The following ZNF609 variants were observed in gnomAD, a reference collection of about 807,000 sequenced individuals.
ZNF609 encodes the protein zinc finger protein 609.
ZNF609 carries 11 observed loss-of-function variants against 109.5 expected under a neutral mutation model. The ratio of observed to expected loss-of-function variants is 0.10; its 90% CI spans 0.06 to 0.17. The LOEUF is 0.17. ZNF609 is among the 10% of genes least tolerant of loss of function. The pLI is 1.00. For missense variants in ZNF609, 1,559 were observed against 1,772.4 expected, an observed-to-expected ratio of 0.88 and a Z score of 2.16; for synonymous variants, 646 against 662.0, an observed-to-expected ratio of 0.98 and a Z score of 0.37.
intron 2 of ZNF609, among the ~76,000 whole-genome samples, chr15:64,581,010 C>A (rs1895095639): frequency 1.7e-5 from 1 of 58,300 alleles, no homozygotes; most frequent in Admixed American, 2.4e-4. Context: ...GTTGCCCAGA[C>A]AATTTTATTT....
intron 3 of ZNF609, among the ~76,000 whole-genome samples, chr15:64,641,440 C>A (rs188308402): frequency 6.6e-6 from 1 of 151,876 alleles, no homozygotes; most frequent in African/African-American, 2.4e-5. Context: ...TCTTGAACTC[C>A]TGACCTCAGG....
chr15:64,534,473 C>A (rs1389576660), intron 2 of ZNF609, among the ~76,000 whole-genome samples: 1 of 152,044 alleles, frequency 6.6e-6, no homozygotes, highest in African/African-American at 2.4e-5. Context: ...CGCCACCATG[C>A]CTGGCTACTT....
At position 64,522,540 on chromosome 15, in the gene ZNF609, TATCTC is replaced by T. The variant is rs1170143187; in HGVS notation, c.747+22376_747+22380del. Among the ~76,000 whole-genome samples, 9 of 152,376 alleles carry T rather than the reference TATCTC, an allele frequency of 5.9e-5. No homozygotes were observed. In the South Asian group the frequency reaches 1.9e-3, roughly 32 times the overall value. On this transcript the variant is annotated intron_variant, in intron 2 of 9. Transcript: ENST00000326648. Reference sequence around the variant, plus strand: ...CTTCTTTGTTTAGCTTTTTATAACTTATCTCAAACCAATTTTTTATCTTCATTTGT... The same window carrying T: ...CTTCTTTGTTTAGCTTTTTATAACTTAAACCAATTTTTTATCTTCATTTGT...
chr15:64,609,116 C>CTTTCTTTCT (rs1895668916), intron 2 of ZNF609, among the ~76,000 whole-genome samples: 4 of 30,136 alleles, frequency 1.3e-4, no homozygotes, highest in South Asian at 5.3e-4. Context: ...TTCTTTCTTT[C>CTTTCTTTCT]TTTCTTTCTT....
chr15:64,606,222 T>TC (rs1895596944), intron 2 of ZNF609, among the ~76,000 whole-genome samples: 1 of 150,604 alleles, frequency 6.6e-6, no homozygotes, highest in Non-Finnish European at 1.5e-5. Context: ...CAAGCAGTCC[T>TC]CCTGCCTCAG....
At chr15:64,588,325 G>A (rs570400497) in intron 2 of ZNF609, among the ~76,000 whole-genome samples, 1 of 147,772 alleles carries the variant, frequency 6.8e-6, no homozygotes, top group Non-Finnish European at 1.5e-5. Flanking sequence ...GCTACTTGGA[G>A]GCTGAGGCAG....
At chr15:64,642,376 G>T (rs1896274055) in intron 3 of ZNF609, among the ~76,000 whole-genome samples, 1 of 151,852 alleles carries the variant, frequency 6.6e-6, no homozygotes, top group Admixed American at 6.6e-5. Flanking sequence ...GTAGAGACTA[G>T]GTCTCGCTGT....
intron 2 of ZNF609, among the ~76,000 whole-genome samples, chr15:64,528,020 A>G (rs921390188): frequency 3.3e-5 from 5 of 152,098 alleles, no homozygotes; most frequent in African/African-American, 9.7e-5. Flanking sequence ...AACACCTATT[A>G]ATTTTATAGA....
Position 64,675,854 on chromosome 15 carries a change from T to G in ZNF609, c.3000T>G (p.Ala1000=). Residue 1000 remains alanine (A), a synonymous_variant, in exon 5 of 10, where the codon GCT becomes GCG. Transcript: ENST00000326648. The stretch of plus-strand genomic sequence containing the variant: ...CCCACCTTCTGAGCACTAACACGGC[T>G]TACCGGCAGCAGTACGAAGAACAGC... ...YHTHLLSTNT[A]YRQQYEEQQK... 6.2e-7 allele frequency: 1 copy of G among 1,614,160 alleles called. No individual in the cohort carries two copies. Among genetic ancestry groups the G allele is most frequent in the Non-Finnish European group, 8.5e-7 (1 of 1,180,040 alleles).
chr15:64,547,565 C>T (rs1894386491), intron 2 of ZNF609, among the ~76,000 whole-genome samples: 1 of 152,114 alleles, frequency 6.6e-6, no homozygotes, highest in African/African-American at 2.4e-5. Context: ...AAATCTGGCT[C>T]TGGCTCATAA....
chr15:64,528,939 C>G lies in ZNF609; in HGVS notation c.747+28773C>G, dbSNP rs74019258. ...TGGCAGGTTTTTCCAGACGACAGGT[C>G]AGGTCCGCCACTGACACATTGGCAG... On this transcript the variant is annotated intron_variant, in intron 2 of 9. Transcript: ENST00000326648. 4.2e-3 allele frequency: 5,380 copies of G among 1,289,208 alleles called. 175 individuals carry two copies. In the African/African-American group the frequency reaches 0.069, roughly 17 times the overall value. The allele number at this position is 1,289,208 out of a possible 1,614,324, so 79.9% of individuals were successfully genotyped here.
intron 2 of ZNF609, among the ~76,000 whole-genome samples, chr15:64,605,902 C>CTTTTTTTTT (rs10542161): frequency 4.2e-5 from 3 of 70,688 alleles, no homozygotes; most frequent in East Asian, 4.7e-4. Context: ...CCCGGCTAAT[C>CTTTTTTTTT]TTTTTTTTTT....
At chr15:64,554,868 G>A (rs1017703570) in intron 2 of ZNF609, among the ~76,000 whole-genome samples, 4 of 151,592 alleles carry the variant, frequency 2.6e-5, no homozygotes, top group Admixed American at 1.3e-4. Context: ...AGGCCGAGAC[G>A]AGTGTATCAC....
intron 3 of ZNF609, among the ~76,000 whole-genome samples, chr15:64,625,400 A>G (rs567584958): frequency 7.2e-5 from 11 of 152,198 alleles, no homozygotes; most frequent in African/African-American, 2.4e-4. Context: ...TGTACCTGTA[A>G]TCCCAGCTAC....
At chr15:64,466,531 G>A (rs928011293) in intron 1 of ZNF609, among the ~76,000 whole-genome samples, 8 of 152,216 alleles carry the variant, frequency 5.3e-5, no homozygotes, top group African/African-American at 1.9e-4. Context: ...CTCTTTGAGG[G>A]AAAGTGAGGC....
intron 3 of ZNF609, among the ~76,000 whole-genome samples, chr15:64,646,730 G>A (rs1331566710): frequency 6.6e-6 from 1 of 151,246 alleles, no homozygotes; most frequent in Non-Finnish European, 1.5e-5. Context: ...CTTGAGGTCA[G>A]GAGTTCGAGA....
At chr15:64,528,405 ATTT>A (rs1004326644) in intron 2 of ZNF609, among the ~76,000 whole-genome samples, 1 of 150,064 alleles carries the variant, frequency 6.7e-6, no homozygotes, top group African/African-American at 2.4e-5. Flanking sequence ...TATTATTATT[ATTT>A]TTAATTTTTT....
At chr15:64,535,482 C>T (rs1417433936) in intron 2 of ZNF609, among the ~76,000 whole-genome samples, 1 of 152,080 alleles carries the variant, frequency 6.6e-6, no homozygotes, top group Non-Finnish European at 1.5e-5. Context: ...CGGTAGTATT[C>T]CATGGTATAG....
chr15:64,631,301 A>G, intron 3 of ZNF609: 1 of 673,646 alleles, frequency 1.5e-6, no homozygotes, highest in Non-Finnish European at 2.8e-6. Flanking sequence ...TTAGAGAGTG[A>G]GTGCTTAATG....
Sources: gnomAD v4.1 joint callset for allele counts (sites outside exome capture counted in the v4.1 genomes callset) on GRCh38, gnomAD v4.1.1 for gene constraint, MANE v1.5 for transcripts, NCBI Gene and HGNC (gene_info 2026-07-23, HGNC 2026-07-21) for gene names.